NIBAN1: variants seen among roughly 807,000 people sequenced by gnomAD.
NIBAN1 encodes protein Niban 1.
In NIBAN1, 81 loss-of-function variants were observed where a neutral mutation model predicts 75.1. The observed-to-expected ratio is 1.08, with a 90% CI of 0.90 to 1.30. The LOEUF is 1.30. Ranked by LOEUF, NIBAN1 falls within the 50% of genes most tolerant of loss-of-function variation. The probability of loss-of-function intolerance (pLI) is 0.00; values close to 1 mark genes in which losing one functional copy is unlikely to be tolerated. For missense variants in NIBAN1, 1,133 were observed against 1,128.1 expected (o/e 1.00, Z -0.06); for synonymous variants, 436 against 424.8 (o/e 1.03, Z -0.32).
intron 1 of NIBAN1, among the ~76,000 whole-genome samples, chr1:184,900,176 T>C (rs1656916574): frequency 6.6e-6 from 1 of 152,210 alleles, no homozygotes; most frequent in East Asian, 1.9e-4. Flanking sequence ...CTCACAGTCC[T>C]GGATAAAATC....
At chr1:184,858,031 G>A (rs114680042) in intron 5 of NIBAN1, among the ~76,000 whole-genome samples, 1,637 of 151,932 alleles carry the variant, frequency 0.011, 11 homozygotes, top group Non-Finnish European at 0.018. Flanking sequence ...AAATCCAAAA[G>A]CCATAAAAAT....
intron 1 of NIBAN1, among the ~76,000 whole-genome samples, chr1:184,945,103 A>C (rs1255809752): frequency 6.6e-6 from 1 of 152,256 alleles, no homozygotes; most frequent in Admixed American, 6.5e-5. Flanking sequence ...CAGAGGCACG[A>C]AACAGTTATG....
chr1:184,958,278 G>C (rs1434473423), intron 1 of NIBAN1, among the ~76,000 whole-genome samples: 1 of 151,972 alleles, frequency 6.6e-6, no homozygotes, highest in East Asian at 1.9e-4. Flanking sequence ...AGGAGGCTGA[G>C]GCATGAGAAT....
At chr1:184,815,737 T>C (rs1444942391) in intron 9 of NIBAN1, among the ~76,000 whole-genome samples, 1 of 152,220 alleles carries the variant, frequency 6.6e-6, no homozygotes, top group African/African-American at 2.4e-5. Flanking sequence ...TGAGAAACTT[T>C]AGTGGTACAC....
At chr1:184,879,117 C>T (rs1234513092) in intron 5 of NIBAN1, among the ~76,000 whole-genome samples, 1 of 152,040 alleles carries the variant, frequency 6.6e-6, no homozygotes, top group Non-Finnish European at 1.5e-5. Flanking sequence ...TGGGATATTC[C>T]TAGGAAAACA....
rs1445751672 is a variant in NIBAN1 at position 184,885,412 on chromosome 1, C to T, written c.434-612G>A. Among the ~76,000 whole-genome samples the T allele has an allele frequency of 3.3e-5, 5 of 152,078 alleles. No homozygotes were observed. In the East Asian group the frequency reaches 7.8e-4, roughly 24 times the overall value. On this transcript the variant is annotated intron_variant, in intron 4 of 13. Coordinates refer to ENST00000367511, the MANE Select transcript of NIBAN1 (RefSeq NM_052966.4). ...CTGATCTCAAACTCCTGAGCTCAAG[C>T]GAGCCACCTGACTTTGCCTCCCAAA...
chr1:184,856,987 C>A (rs1478849499), intron 5 of NIBAN1, among the ~76,000 whole-genome samples: 1 of 152,148 alleles, frequency 6.6e-6, no homozygotes, highest in Admixed American at 6.5e-5. Context: ...AAAGGAAGAG[C>A]GTGACCCAAA....
At chr1:184,813,437 C>CT (rs113855248) in intron 9 of NIBAN1, among the ~76,000 whole-genome samples, 15 of 152,226 alleles carry the variant, frequency 9.9e-5, no homozygotes, top group African/African-American at 3.4e-4. Context: ...AATAGGTTTG[C>CT]TAACTGCTTT....
chr1:184,803,509 G>T, intron 12 of NIBAN1, 76 bp downstream of exon 12: 1 of 1,151,948 alleles, frequency 8.7e-7, no homozygotes. Flanking sequence ...CTGTTTGCCA[G>T]TACACATCAC....
At chr1:184,806,096 G>A in intron 10 of NIBAN1, 40 bp from the exon 11 acceptor site, 1 of 1,559,882 alleles carries the variant, frequency 6.4e-7, no homozygotes, top group Non-Finnish European at 8.8e-7. Flanking sequence ...CAACAGTCAG[G>A]GGCTGGGATC....
intron 5 of NIBAN1, among the ~76,000 whole-genome samples, chr1:184,854,008 A>G (rs1655612272): frequency 6.6e-6 from 1 of 152,222 alleles, no homozygotes; most frequent in African/African-American, 2.4e-5. Flanking sequence ...ATTAATGATA[A>G]TGTTTTATTT....
At chr1:184,878,221 A>G (rs1049701353) in intron 5 of NIBAN1, among the ~76,000 whole-genome samples, 1 of 152,206 alleles carries the variant, frequency 6.6e-6, no homozygotes, top group Non-Finnish European at 1.5e-5. Flanking sequence ...AATAGAGAGC[A>G]GTTCTGTTTA....
chr1:184,939,966 G>A (rs1307953426), intron 1 of NIBAN1, among the ~76,000 whole-genome samples: 1 of 152,178 alleles, frequency 6.6e-6, no homozygotes, highest in African/African-American at 2.4e-5. Flanking sequence ...ACAAATATCT[G>A]GTTCCGGGAG....
At chr1:184,945,914 G>A (rs1356397018) in intron 1 of NIBAN1, among the ~76,000 whole-genome samples, 1 of 151,954 alleles carries the variant, frequency 6.6e-6, no homozygotes, top group Non-Finnish European at 1.5e-5. Flanking sequence ...TGTCTGTATA[G>A]TCACAGATGG....
chr1:184,950,326 C>T (rs532467957), intron 1 of NIBAN1, among the ~76,000 whole-genome samples: 2 of 152,278 alleles, frequency 1.3e-5, no homozygotes, highest in South Asian at 4.1e-4. Context: ...ATGAAATTTA[C>T]AAAAGGTAAG....
chr1:184,873,516 A>G (rs1656162443), intron 5 of NIBAN1, among the ~76,000 whole-genome samples: 1 of 152,238 alleles, frequency 6.6e-6, no homozygotes, highest in African/African-American at 2.4e-5. Context: ...GAATATTCTT[A>G]TCACCAGAGT....
intron 1 of NIBAN1, among the ~76,000 whole-genome samples, chr1:184,918,873 G>A (rs1161526349): frequency 6.6e-6 from 1 of 152,126 alleles, no homozygotes; most frequent in Non-Finnish European, 1.5e-5. Context: ...ATTGATATTA[G>A]CTGTATAGTG....
At chr1:184,957,870 C>T (rs1658530755) in intron 1 of NIBAN1, among the ~76,000 whole-genome samples, 1 of 151,988 alleles carries the variant, frequency 6.6e-6, no homozygotes. Flanking sequence ...GCCTTACTTC[C>T]CAAATATAAA....
chr1:184,958,827 T>C (rs953084504), intron 1 of NIBAN1, among the ~76,000 whole-genome samples: 3 of 152,238 alleles, frequency 2.0e-5, no homozygotes, highest in African/African-American at 7.2e-5. Context: ...AATTCTCCTC[T>C]CTAACAAAAC....
Sources: allele counts gnomAD v4.1 joint callset (sites outside exome capture counted in the v4.1 genomes callset), GRCh38; gene constraint gnomAD v4.1.1; transcripts MANE v1.5; gene names NCBI Gene and HGNC (gene_info 2026-07-23, HGNC 2026-07-21).